The following NR1D2 variants were observed in gnomAD, a reference collection of about 807,000 sequenced individuals.
NR1D2 encodes V-erbA-related protein 1-related.
In NR1D2, 25 loss-of-function variants were observed where a neutral mutation model predicts 52.2. The ratio of observed to expected loss-of-function variants is 0.48; its 90% CI spans 0.35 to 0.67. The LOEUF is 0.67. Ranked by LOEUF, NR1D2 falls within the 30% of genes least tolerant of loss-of-function variation. NR1D2 has a pLI of 0.01. For synonymous variants in NR1D2, 259 were observed against 230.1 expected (o/e 1.13, Z -1.14); for missense variants, 681 against 707.2 (o/e 0.96, Z 0.42).
chr3:23,947,051 C>G (rs918773271), intron 1 of NR1D2, among the ~76,000 whole-genome samples: 2 of 152,218 alleles, frequency 1.3e-5, no homozygotes, highest in African/African-American at 4.8e-5. Flanking sequence ...TGTTGTCTCA[C>G]AAAAATCTGG....
At chr3:23,949,240 C>T (rs1166324033) in intron 1 of NR1D2, among the ~76,000 whole-genome samples, 1 of 152,014 alleles carries the variant, frequency 6.6e-6, no homozygotes, top group East Asian at 1.9e-4. Context: ...TGGCGGGTGC[C>T]TGTAATCCCA....
At chr3:23,970,421 G>T (rs1397019500) in intron 7 of NR1D2, among the ~76,000 whole-genome samples, 1 of 151,968 alleles carries the variant, frequency 6.6e-6, no homozygotes, top group Non-Finnish European at 1.5e-5. Flanking sequence ...CCTTTTTTCT[G>T]ATTATAAATT....
At chr3:23,974,484 A>C (rs1296998076) in intron 7 of NR1D2, among the ~76,000 whole-genome samples, 2 of 152,184 alleles carry the variant, frequency 1.3e-5, no homozygotes. Flanking sequence ...GTTACGTGGC[A>C]CATGACTATT....
At chr3:23,948,628 T>C (rs1705843248) in intron 1 of NR1D2, among the ~76,000 whole-genome samples, 1 of 152,226 alleles carries the variant, frequency 6.6e-6, no homozygotes, top group Non-Finnish European at 1.5e-5. Flanking sequence ...CTTTTACATG[T>C]GTTCCTCATG....
Position 23,980,008 on chromosome 3 carries a change from G to A in NR1D2, c.*2589G>A, listed in dbSNP as rs1706836597. On this transcript the variant is annotated 3_prime_UTR_variant, in exon 8 of 8. Coordinates refer to ENST00000312521, the MANE Select transcript of NR1D2 (RefSeq NM_005126.5). ...TTACATGATCTGAGAGAGGATTCAA[G>A]TTGATAGAAATAGCTGAGGGGAAAA... The A allele has an allele frequency of 6.6e-6, 1 of 152,074 alleles. No individual in the cohort carries two copies. Among genetic ancestry groups the A allele is most frequent in the African/African-American group, 2.4e-5 (1 of 41,432 alleles). 9.4% of individuals were successfully genotyped at this position (152,074 alleles called of 1,614,324 possible). A position where few individuals can be genotyped will look rare whatever the true frequency, so the allele number is the denominator to read the frequency against.
chr3:23,959,653 A>G lies in NR1D2; in HGVS notation c.373-18A>G, dbSNP rs1161244858. On this transcript the variant is annotated intron_variant, in intron 3 of 7. Coordinates refer to ENST00000312521, the MANE Select transcript of NR1D2 (RefSeq NM_005126.5). ...TGGGTGTTTTTAAATGGGTAAGTAA[A>G]TCTTCCTTTGTTCTTAGGGTTTCTT... The G allele has an allele frequency of 1.9e-6, 3 of 1,604,112 alleles. No homozygotes were observed. Among genetic ancestry groups the G allele is most frequent in the Non-Finnish European group, 2.5e-6 (3 of 1,176,544 alleles).
At chr3:23,955,402 A>G (rs892407498) in intron 2 of NR1D2, among the ~76,000 whole-genome samples, 11 of 152,238 alleles carry the variant, frequency 7.2e-5, no homozygotes, top group Non-Finnish European at 1.3e-4. Flanking sequence ...TAAATTTACA[A>G]AATTTCTTAT....
intron 7 of NR1D2, among the ~76,000 whole-genome samples, chr3:23,974,088 C>CTTTTTTTTTTTTTTTTTTTTTT (rs60587118): frequency 1.3e-5 from 1 of 79,508 alleles, no homozygotes; most frequent in East Asian, 3.9e-4. Flanking sequence ...TTACAGTTAC[C>CTTTTTTTTTTTTTTTTTTTTTT]TTTTTTTTTT....
At chr3:23,947,985 G>A (rs1705807224) in intron 1 of NR1D2, among the ~76,000 whole-genome samples, 1 of 152,142 alleles carries the variant, frequency 6.6e-6, no homozygotes. Flanking sequence ...GGGCGTGGTG[G>A]TGGGCTCCTG....
chr3:23,975,110 C>T (rs1196440525), intron 7 of NR1D2, among the ~76,000 whole-genome samples: 4 of 151,850 alleles, frequency 2.6e-5, no homozygotes, highest in African/African-American at 4.8e-5. Context: ...TGAGCCACCA[C>T]GTCCTGCCCA....
At chr3:23,949,771 A>C (rs1705874552) in intron 1 of NR1D2, among the ~76,000 whole-genome samples, 1 of 152,248 alleles carries the variant, frequency 6.6e-6, no homozygotes, top group South Asian at 2.1e-4. Context: ...TCTAAGTCAC[A>C]AGGCAGAAAA....
At chr3:23,955,403 A>G (rs1174037331) in intron 2 of NR1D2, among the ~76,000 whole-genome samples, 2 of 152,202 alleles carry the variant, frequency 1.3e-5, no homozygotes, top group Admixed American at 1.3e-4. Context: ...AAATTTACAA[A>G]ATTTCTTATT....
intron 7 of NR1D2, among the ~76,000 whole-genome samples, chr3:23,969,803 G>A (rs1706540831): frequency 6.6e-6 from 1 of 152,164 alleles, no homozygotes; most frequent in South Asian, 2.1e-4. Flanking sequence ...AAAGGAAGGT[G>A]AAATCATCTT....
At chr3:23,953,647 G>C (rs1168654063) in intron 1 of NR1D2, among the ~76,000 whole-genome samples, 1 of 152,104 alleles carries the variant, frequency 6.6e-6, no homozygotes, top group African/African-American at 2.4e-5. Flanking sequence ...TGTCTTCTGG[G>C]AACACCAAAA....
chr3:23,980,577 T>A lies in NR1D2; in HGVS notation c.*3158T>A, dbSNP rs1381328142. 6.6e-6 allele frequency: 1 copy of A among 152,058 alleles called. No homozygotes were observed. Among genetic ancestry groups the A allele is most frequent in the African/African-American group, 2.4e-5 (1 of 41,420 alleles). 9.4% of individuals were successfully genotyped at this position (152,058 alleles called of 1,614,324 possible). On this transcript the variant is annotated 3_prime_UTR_variant, in exon 8 of 8. Coordinates refer to ENST00000312521, the MANE Select transcript of NR1D2 (RefSeq NM_005126.5). ...ATATCTTCATGTTTCTGAGAAGTAA[T>A]CTGTATGTGGGGGGAGGGGATAATA...
At chr3:23,969,749 A>G (rs371391741) in intron 7 of NR1D2, among the ~76,000 whole-genome samples, 5 of 152,242 alleles carry the variant, frequency 3.3e-5, no homozygotes, top group East Asian at 3.8e-4. Context: ...GCTTTATGCT[A>G]CTAAACCGTG....
Position 23,977,638 on chromosome 3 carries a change from C to T in NR1D2, c.*219C>T, listed in dbSNP as rs897383365. 10 of 363,946 alleles carry T rather than the reference C, an allele frequency of 2.7e-5. No homozygotes were observed. Among genetic ancestry groups the T allele is most frequent in the African/African-American group, 4.2e-5 (2 of 48,054 alleles). 22.5% of individuals were successfully genotyped at this position (363,946 alleles called of 1,614,324 possible). A position where few individuals can be genotyped will look rare whatever the true frequency, so the allele number is the denominator to read the frequency against. On this transcript the variant is annotated 3_prime_UTR_variant, in exon 8 of 8. Transcript: ENST00000312521. ...TCCCTGATAGACCAATCAGCTGTGTCGCACTTAAACTGGAGAAGTTACACT... is the reference window on the plus strand; with the variant it reads ...TCCCTGATAGACCAATCAGCTGTGTTGCACTTAAACTGGAGAAGTTACACT...
chr3:23,965,159 T>C lies in NR1D2; in HGVS notation c.1329T>C (p.Phe443=), dbSNP rs1345580608. 1 of 1,598,990 alleles carries C rather than the reference T, an allele frequency of 6.3e-7. No individual in the cohort carries two copies. Among genetic ancestry groups the C allele is most frequent in the Non-Finnish European group, 8.5e-7 (1 of 1,175,044 alleles). The change falls in exon 6 of 8, where the codon TTT becomes TTC. Residue 443 remains phenylalanine, a synonymous_variant. Transcript: ENST00000312521. ...DQVNLLKAGT[F]EVLMVRFASL... ...TCAACCTTTTAAAGGCTGGGACTTT[T>C]GAGGTAGGTTTTATTTATCCTGAAT...
rs78935669 is a variant in NR1D2 at position 23,974,360 on chromosome 3, A to G, written c.1544-2863A>G. On this transcript the variant is annotated intron_variant, in intron 7 of 7. Coordinates refer to ENST00000312521, the MANE Select transcript of NR1D2 (RefSeq NM_005126.5). ...AAACGTGTTAGTTATGTGTTGTGCT[A>G]TGATGTTACGACAACAAAAGCTGCA... is the stretch of plus-strand genomic sequence containing the variant. 4.1e-4 allele frequency among the ~76,000 whole-genome samples: 62 copies of G among 152,306 alleles called. 1 individual carries two copies. In the East Asian group the frequency reaches 0.011, roughly 28 times the overall value.
Sources: allele counts gnomAD v4.1 joint callset (sites outside exome capture counted in the v4.1 genomes callset), GRCh38; gene constraint gnomAD v4.1.1; transcripts MANE v1.5; gene names NCBI Gene and HGNC (gene_info 2026-07-23, HGNC 2026-07-21).